Variants in ROBO1 observed in about 807,000 individuals in gnomAD.
The protein encoded by ROBO1 is roundabout guidance receptor 1, also known as roundabout homolog 1.
Under a neutral mutation model 195.9 loss-of-function variants are expected in ROBO1, and 149 were observed. That is an observed-to-expected ratio of 0.76 (90% CI 0.67 to 0.87). The LOEUF (loss-of-function observed/expected upper bound fraction) is 0.87. ROBO1 is among the 40% of genes least tolerant of loss of function. ROBO1 has a pLI of 0.00. For synonymous variants in ROBO1, 816 were observed against 733.2 expected, an observed-to-expected ratio of 1.11 and a Z score of -1.82; for missense variants, 1,933 against 2,068.3, an observed-to-expected ratio of 0.93 and a Z score of 1.27.
chr3:79,518,446 A>T (rs775841764), intron 2 of ROBO1, among the ~76,000 whole-genome samples: 5 of 152,026 alleles, frequency 3.3e-5, no homozygotes, highest in Non-Finnish European at 7.4e-5. Context: ...CCCTTCTTTC[A>T]GTTCTCTCAG....
At chr3:79,437,687 A>C (rs1202208843) in intron 2 of ROBO1, among the ~76,000 whole-genome samples, 2 of 152,012 alleles carry the variant, frequency 1.3e-5, no homozygotes, top group Non-Finnish European at 2.9e-5. Context: ...ATGTGTATAG[A>C]GTGCAATGAC....
At chr3:79,126,226 C>G (rs991861130) in intron 2 of ROBO1, among the ~76,000 whole-genome samples, 2 of 152,176 alleles carry the variant, frequency 1.3e-5, no homozygotes, top group Non-Finnish European at 2.9e-5. Flanking sequence ...TATTTTAAAA[C>G]ATTCCAAAGT....
intron 8 of ROBO1, among the ~76,000 whole-genome samples, chr3:78,697,022 CCTGT>C (rs2081313356): frequency 7.0e-6 from 1 of 141,952 alleles, no homozygotes; most frequent in African/African-American, 2.6e-5. Context: ...CAAGAACCCC[CCTGT>C]CTCTCTCTGT....
intron 2 of ROBO1, among the ~76,000 whole-genome samples, chr3:79,528,765 G>A (rs1277643047): frequency 6.6e-6 from 1 of 152,112 alleles, no homozygotes; most frequent in Non-Finnish European, 1.5e-5. Flanking sequence ...GTTTCACATG[G>A]TGCCTGATAG....
chr3:79,409,426 G>T (rs183835590), intron 2 of ROBO1, among the ~76,000 whole-genome samples: 279 of 152,078 alleles, frequency 1.8e-3, no homozygotes, highest in Middle Eastern at 3.4e-3. Flanking sequence ...ATTATATTAT[G>T]CAACTCTCCA....
At chr3:79,676,267 T>C (rs1468017242) in intron 1 of ROBO1, among the ~76,000 whole-genome samples, 1 of 152,106 alleles carries the variant, frequency 6.6e-6, no homozygotes, top group Non-Finnish European at 1.5e-5. Flanking sequence ...TATAGAGTTG[T>C]TGAGAGAATT....
At chr3:79,227,340 G>C (rs1460158264) in intron 2 of ROBO1, among the ~76,000 whole-genome samples, 1 of 152,134 alleles carries the variant, frequency 6.6e-6, no homozygotes, top group East Asian at 1.9e-4. Context: ...TTCCTAGGCA[G>C]TTCCATCCAT....
At chr3:79,575,297 A>C (rs1428430628) in intron 2 of ROBO1, among the ~76,000 whole-genome samples, 3 of 125,226 alleles carry the variant, frequency 2.4e-5, no homozygotes, top group Non-Finnish European at 4.8e-5. Flanking sequence ...TATATATAAC[A>C]AATATATATA....
rs10597144 is a variant in ROBO1, at chr3:79,597,128, C to CGTGT, written c.-50-7171_-50-7168dup. On this transcript the variant is annotated intron_variant, in intron 1 of 30. Transcript: ENST00000464233. ...GTGTGTGTGTGCCTGTGTGCATGCA[C>CGTGT]GTGTGTGTGTGTGTGTGTGTGTATT... Among the ~76,000 whole-genome samples the CGTGT allele has an allele frequency of 9.4e-3, 1,407 of 149,376 alleles. 18 individuals are homozygous for CGTGT. The highest frequency in any genetic ancestry group is 0.032 in the African/African-American group (1,315 of 40,932).
chr3:78,823,732 G>T (rs998885122), intron 4 of ROBO1, among the ~76,000 whole-genome samples: 9 of 152,020 alleles, frequency 5.9e-5, no homozygotes, highest in African/African-American at 2.4e-5. Context: ...CTTTTCACTT[G>T]CCTAATCCAT....
chr3:79,006,164 CTTTG>C (rs935404109), intron 3 of ROBO1, among the ~76,000 whole-genome samples: 1 of 152,068 alleles, frequency 6.6e-6, no homozygotes, highest in African/African-American at 2.4e-5. Context: ...GTTTTGTTGT[CTTTG>C]TTTGTTAGCT....
At chr3:78,666,922 C>G (rs917691148) in intron 14 of ROBO1, among the ~76,000 whole-genome samples, 3 of 152,008 alleles carry the variant, frequency 2.0e-5, no homozygotes, top group Admixed American at 1.3e-4. Flanking sequence ...GATAGAAACA[C>G]TATCCCTCTG....
chr3:79,495,807 G>A (rs1415253969), intron 2 of ROBO1, among the ~76,000 whole-genome samples: 2 of 151,838 alleles, frequency 1.3e-5, no homozygotes, highest in Non-Finnish European at 2.9e-5. Context: ...CTAATTTTCT[G>A]TTTTGCTAAC....
At chr3:79,532,567 A>T (rs1308286633) in intron 2 of ROBO1, among the ~76,000 whole-genome samples, 1 of 152,198 alleles carries the variant, frequency 6.6e-6, no homozygotes, top group East Asian at 1.9e-4. Context: ...AAACTATAGA[A>T]CTGGTACAGA....
chr3:78,824,313 C>T (rs1176302217), intron 4 of ROBO1, among the ~76,000 whole-genome samples: 4 of 151,986 alleles, frequency 2.6e-5, no homozygotes, highest in African/African-American at 7.2e-5. Context: ...ACTTTTGCAC[C>T]AAGCTAATAT....
intron 8 of ROBO1, among the ~76,000 whole-genome samples, chr3:78,694,286 TACAATATATTTTACTCA>T (rs1163992558): frequency 2.0e-5 from 3 of 152,174 alleles, no homozygotes; most frequent in African/African-American, 7.2e-5. Flanking sequence ...AGCAGAAACC[TACAATATATTTTACTCA>T]AATAAATAAC....
intron 2 of ROBO1, among the ~76,000 whole-genome samples, chr3:79,341,605 G>T (rs2034908576): frequency 6.6e-6 from 1 of 151,884 alleles, no homozygotes; most frequent in South Asian, 2.1e-4. Context: ...TAGCCTCCCA[G>T]TTAGCTGGGA....
intron 2 of ROBO1, among the ~76,000 whole-genome samples, chr3:79,287,188 T>G (rs2031939621): frequency 1.3e-5 from 2 of 152,142 alleles, no homozygotes; most frequent in Non-Finnish European, 2.9e-5. Context: ...ATTATATACA[T>G]AAAAATCTTA....
chr3:79,087,874 G>C (rs2079402725), intron 3 of ROBO1, among the ~76,000 whole-genome samples: 1 of 152,088 alleles, frequency 6.6e-6, no homozygotes, highest in Non-Finnish European at 1.5e-5. Context: ...ATATACTGCT[G>C]AAACACGTCT....
Sources: gnomAD v4.1 joint callset for allele counts (sites outside exome capture counted in the v4.1 genomes callset) on GRCh38, gnomAD v4.1.1 for gene constraint, MANE v1.5 for transcripts, NCBI Gene and HGNC (gene_info 2026-07-23, HGNC 2026-07-21) for gene names.